The following DSCAML1 variants were observed in gnomAD, a reference collection of about 807,000 sequenced individuals.
The protein encoded by DSCAML1 is DS cell adhesion molecule like 1.
Under a neutral mutation model 200.5 loss-of-function variants are expected in DSCAML1, and 38 were observed. The observed-to-expected ratio is 0.19, with a 90% CI of 0.15 to 0.25. The LOEUF is 0.25. DSCAML1 is among the 10% of genes least tolerant of loss of function. DSCAML1 has a pLI of 1.00. For synonymous variants in DSCAML1, 1,215 were observed against 1,165.0 expected (o/e 1.04, Z -0.87); for missense variants, 2,223 against 2,858.8 (o/e 0.78, Z 5.07).
In DSCAML1 at chr11:117,612,207, G is replaced by A. The variant is rs1450794766; in HGVS notation, c.512-79685C>T. On this transcript the variant is annotated intron_variant, in intron 3 of 32. Transcript: ENST00000651296. Reference sequence around the variant, plus strand: ...CTTGGCTTATTAGACTTTTAGAGACGCTTTCCAGAAAGAGCTCCACTGGGC... The same window carrying A: ...CTTGGCTTATTAGACTTTTAGAGACACTTTCCAGAAAGAGCTCCACTGGGC... Among the ~76,000 whole-genome samples, 14 of 152,166 alleles carry A rather than the reference G, an allele frequency of 9.2e-5. 1 individual carries two copies. Among genetic ancestry groups the A allele is most frequent in the Non-Finnish European group, 1.3e-4 (9 of 68,030 alleles).
Position 117,780,691 on chromosome 11 carries a change from C to T in DSCAML1, c.166G>A (p.Ala56Thr). ...CCTGTGGCCAGGTACCATCGAAGGGCCGCGCTGGGGGAGCCCGCGGCCGGG... is the reference window on the plus strand; with the variant it reads ...CCTGTGGCCAGGTACCATCGAAGGGTCGCGCTGGGGGAGCCCGCGGCCGGG... The part of the protein sequence containing the change: ...PCPAAGSPSA[A>T]LRWYLATGDD... Residue 56 changes from alanine (A) to threonine (T), a missense_variant, in exon 2 of 33, where the codon GCC becomes ACC. Ala to Thr is a moderately conservative substitution (Grantham distance 58). Transcript: ENST00000651296. This position sits in a 1 kb window ranked among gnomAD's most constrained non-coding sequence, Gnocchi z 4.8. The T allele has an allele frequency of 1.3e-6, 2 of 1,589,070 alleles. No homozygotes were observed. The highest frequency in any genetic ancestry group is 1.7e-6 in the Non-Finnish European group (2 of 1,166,546).
At chr11:117,573,904 C>A (rs567108893) in intron 3 of DSCAML1, among the ~76,000 whole-genome samples, 18 of 152,358 alleles carry the variant, frequency 1.2e-4, no homozygotes, top group Admixed American at 5.2e-4. Context: ...CCAGCTACTG[C>A]CTCCTCCCTC....
chr11:117,679,705 G>C (rs189009661), intron 3 of DSCAML1, among the ~76,000 whole-genome samples: 1 of 152,308 alleles, frequency 6.6e-6, no homozygotes, highest in East Asian at 1.9e-4. Flanking sequence ...AAGCCTGCCT[G>C]AGTTCCCTTG....
chr11:117,743,809 G>T (rs935010901), intron 3 of DSCAML1, among the ~76,000 whole-genome samples: 1 of 152,126 alleles, frequency 6.6e-6, no homozygotes, highest in East Asian at 1.9e-4. Flanking sequence ...AAACACACCC[G>T]CAGCCTGCCT....
At chr11:117,746,617 C>T (rs2054522411) in intron 3 of DSCAML1, among the ~76,000 whole-genome samples, 1 of 152,200 alleles carries the variant, frequency 6.6e-6, no homozygotes, top group Admixed American at 6.5e-5. Context: ...GTGGCCTCCT[C>T]CTCAGACCCC....
At chr11:117,456,671 C>CTTTTTTTTT (rs10661996) in intron 19 of DSCAML1, among the ~76,000 whole-genome samples, 7 of 142,136 alleles carry the variant, frequency 4.9e-5, no homozygotes, top group South Asian at 2.2e-4. Context: ...GCAGTCATTT[C>CTTTTTTTTT]TTTTTTTTTT....
chr11:117,538,660 T>A (rs887709481), intron 3 of DSCAML1, among the ~76,000 whole-genome samples: 1 of 152,104 alleles, frequency 6.6e-6, no homozygotes, highest in African/African-American at 2.4e-5. Context: ...GCAGGAGCCA[T>A]GGAGAGATAA....
upstream of DSCAML1, among the ~76,000 whole-genome samples, chr11:117,799,348 G>A (rs2055635497): frequency 6.6e-6 from 1 of 152,204 alleles, no homozygotes; most frequent in African/African-American, 2.4e-5. Flanking sequence ...TGGGCCTGGG[G>A]TAGCGGCACA....
rs1345834453 is a variant in DSCAML1 at position 117,428,532 on chromosome 11, T to TG, written c.5957dup (p.Ala1987SerfsTer8). On this transcript the variant is annotated frameshift_variant, in exon 33 of 33. Coordinates refer to ENST00000651296, the MANE Select transcript of DSCAML1 (RefSeq NM_020693.4). LOFTEE classifies it high-confidence loss of function. ...GCTCAGCAGGGGTGGGGCCGGGGGC[T>TG]GGGGGGGCTGTGCCGGCTGGGGGGG... The TG allele has an allele frequency of 7.0e-6, 7 of 1,007,070 alleles. No homozygotes were observed. Among genetic ancestry groups the TG allele is most frequent in the Non-Finnish European group, 9.9e-6 (7 of 707,974 alleles). 62.4% of individuals were successfully genotyped at this position (1,007,070 alleles called of 1,614,324 possible). A position where few individuals can be genotyped will look rare whatever the true frequency, so the allele number is the denominator to read the frequency against.
At chr11:117,439,099 C>T in intron 23 of DSCAML1, 116 bp from the exon 24 acceptor site, 1 of 1,315,320 alleles carries the variant, frequency 7.6e-7, no homozygotes, top group Non-Finnish European at 1.0e-6. Context: ...CCCACTCCCA[C>T]TCCCCAGCTC....
At chr11:117,760,587 G>T (rs2054780914) in intron 3 of DSCAML1, among the ~76,000 whole-genome samples, 1 of 152,198 alleles carries the variant, frequency 6.6e-6, no homozygotes, top group African/African-American at 2.4e-5. Context: ...ATTTCATTGT[G>T]TGAGTATAAC....
chr11:117,595,040 G>A (rs1368101910), intron 3 of DSCAML1, among the ~76,000 whole-genome samples: 1 of 103,028 alleles, frequency 9.7e-6, no homozygotes, highest in Non-Finnish European at 2.1e-5. Flanking sequence ...CTGATATAAT[G>A]ATTACTCTGT....
At chr11:117,755,423 C>A (rs1012322079) in intron 3 of DSCAML1, among the ~76,000 whole-genome samples, 1 of 152,114 alleles carries the variant, frequency 6.6e-6, no homozygotes, top group Non-Finnish European at 1.5e-5. Context: ...TATCAGCATC[C>A]CCATTTTCTA....
At chr11:117,672,547 A>G (rs1170218315) in intron 3 of DSCAML1, among the ~76,000 whole-genome samples, 2 of 152,232 alleles carry the variant, frequency 1.3e-5, no homozygotes, top group Admixed American at 6.5e-5. Context: ...GAGCACCTGT[A>G]CACGAAACAG....
intron 3 of DSCAML1, among the ~76,000 whole-genome samples, chr11:117,697,837 T>C (rs999997675): frequency 6.6e-6 from 1 of 151,724 alleles, no homozygotes; most frequent in African/African-American, 2.4e-5. Flanking sequence ...AGTGGCGTGA[T>C]CTTGGCTCAC....
chr11:117,493,118 G>A (rs2049219463), intron 11 of DSCAML1, among the ~76,000 whole-genome samples: 1 of 152,132 alleles, frequency 6.6e-6, no homozygotes, highest in African/African-American at 2.4e-5. Context: ...GAGAATGGTT[G>A]GGGACTTGGA....
intron 1 of DSCAML1, among the ~76,000 whole-genome samples, chr11:117,811,249 C>T (rs897186224): frequency 6.6e-6 from 1 of 152,132 alleles, no homozygotes; most frequent in African/African-American, 2.4e-5. Flanking sequence ...GGCAGCAACC[C>T]TGAGAAGCTT....
chr11:117,433,528 A>G, intron 27 of DSCAML1, 57 bp from the exon 28 acceptor site: 2 of 1,580,962 alleles, frequency 1.3e-6, no homozygotes, highest in Middle Eastern at 3.3e-4. Flanking sequence ...GAACAGGATG[A>G]CAATGGGAGA....
intron 20 of DSCAML1, among the ~76,000 whole-genome samples, chr11:117,445,332 C>T (rs936313256): frequency 4.6e-5 from 7 of 152,008 alleles, no homozygotes; most frequent in South Asian, 2.1e-4. Flanking sequence ...CCAGGAGGTC[C>T]GGGGGGGCAG....
Sources: allele counts gnomAD v4.1 joint callset (sites outside exome capture counted in the v4.1 genomes callset), GRCh38; gene constraint gnomAD v4.1.1; non-coding constraint Gnocchi (gnomAD v3.1); transcripts MANE v1.5; gene names NCBI Gene and HGNC (gene_info 2026-07-23, HGNC 2026-07-21).